The following MTF1 variants were observed in gnomAD, a reference collection of about 807,000 sequenced individuals.
MTF1 encodes the protein metal regulatory transcription factor 1.
In MTF1, 22 loss-of-function variants were observed where a neutral mutation model predicts 70.4. The observed-to-expected ratio is 0.31, with a 90% CI of 0.22 to 0.45. The LOEUF (loss-of-function observed/expected upper bound fraction) is 0.45, where lower values mean the gene tolerates loss of function less well. Among genes scored for constraint, MTF1 ranks in the 20% least tolerant of loss-of-function variants. The probability of loss-of-function intolerance (pLI) is 1.00; values close to 1 mark genes in which losing one functional copy is unlikely to be tolerated. For synonymous variants in MTF1, 333 were observed against 352.8 expected (o/e 0.94, Z 0.63); for missense variants, 649 against 922.0 (o/e 0.70, Z 3.83).
chr1:37,827,670 T>C (rs1314270217), intron 7 of MTF1, among the ~76,000 whole-genome samples: 2 of 152,192 alleles, frequency 1.3e-5, no homozygotes, highest in African/African-American at 2.4e-5. Flanking sequence ...CCTCCCAAAG[T>C]GCTGGGATTA....
At chr1:37,817,612 C>G (rs1640839905) in intron 9 of MTF1, 130 bp from the exon 10 acceptor site, 2 of 701,666 alleles carry the variant, frequency 2.9e-6, no homozygotes, top group East Asian at 2.5e-5. Context: ...GATTTTTGTA[C>G]TGAGTGATGT....
intron 2 of MTF1, among the ~76,000 whole-genome samples, chr1:37,850,296 G>T (rs1197317212): frequency 1.4e-5 from 2 of 141,146 alleles, no homozygotes; most frequent in Non-Finnish European, 3.1e-5. Context: ...AAAATATTTT[G>T]ATTAGAAATT....
At chr1:37,854,058 A>G (rs1641454937) in intron 2 of MTF1, among the ~76,000 whole-genome samples, 1 of 152,174 alleles carries the variant, frequency 6.6e-6, no homozygotes, top group Non-Finnish European at 1.5e-5. Flanking sequence ...CCCAGGCTGG[A>G]GTGCAGTGGC....
intron 7 of MTF1, among the ~76,000 whole-genome samples, chr1:37,829,402 G>A (rs566970174): frequency 6.6e-6 from 1 of 152,090 alleles, no homozygotes; most frequent in East Asian, 1.9e-4. Flanking sequence ...CTGGGCTCAA[G>A]CCATCCACCC....
chr1:37,823,135 C>A (rs1458281124), intron 8 of MTF1, among the ~76,000 whole-genome samples: 2 of 152,230 alleles, frequency 1.3e-5, no homozygotes, highest in East Asian at 3.9e-4. Flanking sequence ...TGTATCACAT[C>A]AGAAGAAAGA....
Position 37,832,468 on chromosome 1 carries a change from G to A in MTF1, c.991-146C>T, listed in dbSNP as rs1641101544. The A allele has an allele frequency of 8.4e-6, 5 of 594,212 alleles. No individual in the cohort carries two copies. In the Admixed American group the frequency reaches 9.6e-5, roughly 11 times the overall value. 36.8% of individuals were successfully genotyped at this position (594,212 alleles called of 1,614,324 possible). A position where few individuals can be genotyped will look rare whatever the true frequency, so the allele number is the denominator to read the frequency against. On this transcript the variant is annotated intron_variant, in intron 6 of 10. Transcript: ENST00000373036. ...AAGAAGTATAAGCCAACCAAAGCAA[G>A]GGCTAAATGAATTAATTTTTTTTAA...
chr1:37,833,784 G>C (rs574457083), intron 6 of MTF1, among the ~76,000 whole-genome samples: 7 of 152,140 alleles, frequency 4.6e-5, no homozygotes, highest in African/African-American at 1.7e-4. Flanking sequence ...CATTTGAGTA[G>C]AGAGTGAAGG....
chr1:37,827,797 G>A (rs1295632907), intron 7 of MTF1, among the ~76,000 whole-genome samples: 1 of 152,106 alleles, frequency 6.6e-6, no homozygotes, highest in Non-Finnish European at 1.5e-5. Flanking sequence ...TATTAGGTTG[G>A]TGCAAAAGTA....
intron 10 of MTF1, 67 bp downstream of exon 10, chr1:37,817,352 A>C (rs946532312): frequency 4.2e-6 from 4 of 942,800 alleles, no homozygotes; most frequent in Non-Finnish European, 5.1e-6. Context: ...GGACAAAGCA[A>C]TAATTAGCTG....
chr1:37,853,442 T>C (rs1641446621), intron 2 of MTF1, among the ~76,000 whole-genome samples: 1 of 152,240 alleles, frequency 6.6e-6, no homozygotes, highest in African/African-American at 2.4e-5. Flanking sequence ...TGTTCATTCT[T>C]TATGTATTGT....
intron 7 of MTF1, chr1:37,826,554 T>G: frequency 2.2e-6 from 1 of 455,480 alleles, no homozygotes; most frequent in Non-Finnish European, 4.4e-6. Context: ...ATTACAAGTA[T>G]GAGCCACCAC....
intron 10 of MTF1, among the ~76,000 whole-genome samples, 200 bp downstream of exon 10, chr1:37,817,219 G>A (rs1189627546): frequency 1.3e-5 from 2 of 152,072 alleles, no homozygotes; most frequent in Non-Finnish European, 2.9e-5. Context: ...TGTTAAACAC[G>A]GTATTTTGGC....
rs1640765597 is a variant in MTF1 at position 37,813,391 on chromosome 1, C to A, written c.*1745G>T. ...CTCATGGCAGTAACAACATTCACCA[C>A]CACTGCCCTCTTTGTCTGTCCCTGA... On this transcript the variant is annotated 3_prime_UTR_variant, in exon 11 of 11. Transcript: ENST00000373036. The A allele has an allele frequency of 6.6e-6, 1 of 152,258 alleles. No individual in the cohort carries two copies. The highest frequency in any genetic ancestry group is 2.4e-5 in the African/African-American group (1 of 41,456). The allele number at this position is 152,258 out of a possible 1,614,324, so 9.4% of individuals were successfully genotyped here.
At chr1:37,836,959 C>T (rs1641180426) in intron 4 of MTF1, among the ~76,000 whole-genome samples, 1 of 151,962 alleles carries the variant, frequency 6.6e-6, no homozygotes, top group South Asian at 2.1e-4. Flanking sequence ...CGGGGAATAA[C>T]CTAAGCTTCA....
intron 2 of MTF1, among the ~76,000 whole-genome samples, chr1:37,848,577 C>A (rs1014551525): frequency 1.3e-5 from 2 of 152,154 alleles, no homozygotes; most frequent in Non-Finnish European, 2.9e-5. Flanking sequence ...AAATGTAAAT[C>A]GAGACCTATA....
At chr1:37,844,098 C>T (rs1320502084) in intron 2 of MTF1, among the ~76,000 whole-genome samples, 1 of 152,230 alleles carries the variant, frequency 6.6e-6, no homozygotes, top group Non-Finnish European at 1.5e-5. Context: ...CAGTTTTCCA[C>T]ACATTCCATC....
chr1:37,849,385 C>T (rs190575617), intron 2 of MTF1, among the ~76,000 whole-genome samples: 232 of 151,950 alleles, frequency 1.5e-3, no homozygotes, highest in African/African-American at 5.5e-3. Flanking sequence ...AAGATCGTGC[C>T]ACTGTACTCC....
intron 7 of MTF1, among the ~76,000 whole-genome samples, chr1:37,827,348 A>G (rs1359196390): frequency 1.4e-5 from 2 of 147,870 alleles, no homozygotes; most frequent in Non-Finnish European, 3.0e-5. Flanking sequence ...TATTATTATT[A>G]TTATTATTAT....
At chr1:37,826,359 A>C (rs1318618113) in intron 7 of MTF1, among the ~76,000 whole-genome samples, 1 of 152,062 alleles carries the variant, frequency 6.6e-6, no homozygotes, top group Non-Finnish European at 1.5e-5. Context: ...CAGTCAAGTC[A>C]CTGCAACCTT....
Sources: allele counts gnomAD v4.1 joint callset (sites outside exome capture counted in the v4.1 genomes callset), GRCh38; gene constraint gnomAD v4.1.1; transcripts MANE v1.5; gene names NCBI Gene and HGNC (gene_info 2026-07-23, HGNC 2026-07-21).